Variants in CACHD1 observed in about 807,000 individuals in gnomAD.
CACHD1 encodes the protein VWFA and cache domain-containing protein 1.
CACHD1 carries 71 observed loss-of-function variants against 138.7 expected under a neutral mutation model. The observed-to-expected ratio is 0.51, with a 90% CI of 0.42 to 0.62. The LOEUF (loss-of-function observed/expected upper bound fraction) is 0.62. Ranked by LOEUF, CACHD1 falls within the 20% of genes least tolerant of loss-of-function variation. CACHD1 has a pLI of 0.00. For synonymous variants in CACHD1, 578 were observed against 591.5 expected, an observed-to-expected ratio of 0.98 and a Z score of 0.33; for missense variants, 1,389 against 1,625.3, an observed-to-expected ratio of 0.85 and a Z score of 2.50.
At chr1:64,664,096 T>G (rs1649543371) in intron 14 of CACHD1, 1 of 508,400 alleles carries the variant, frequency 2.0e-6, no homozygotes, top group Admixed American at 3.5e-5. Flanking sequence ...AGGGATGTGA[T>G]TTAGAGACTA....
chr1:64,647,644 G>A (rs909927421), intron 8 of CACHD1, among the ~76,000 whole-genome samples, 157 bp from the exon 9 acceptor site: 21 of 152,112 alleles, frequency 1.4e-4, no homozygotes, highest in Non-Finnish European at 2.9e-4. Flanking sequence ...TCCTCAGCAG[G>A]AACTGGTATT....
At chr1:64,544,946 G>A (rs1252758033) in intron 1 of CACHD1, among the ~76,000 whole-genome samples, 3 of 152,022 alleles carry the variant, frequency 2.0e-5, no homozygotes, top group African/African-American at 4.8e-5. Context: ...AAGTGTGAGG[G>A]AGCAATTAAA....
intron 1 of CACHD1, among the ~76,000 whole-genome samples, chr1:64,508,296 A>G (rs1308009526): frequency 2.0e-5 from 3 of 152,210 alleles, no homozygotes; most frequent in Admixed American, 6.5e-5. Context: ...AATCCAAACC[A>G]TATCACCTTC....
intron 13 of CACHD1, among the ~76,000 whole-genome samples, chr1:64,660,244 T>G (rs1649396714): frequency 6.6e-6 from 1 of 152,152 alleles, no homozygotes; most frequent in African/African-American, 2.4e-5. Flanking sequence ...AGACAATAAA[T>G]TACAATAGTT....
chr1:64,470,711 C>T lies in CACHD1; in HGVS notation c.-34C>T. 2.0e-6 allele frequency: 1 copy of T among 504,036 alleles called. No individual in the cohort carries two copies. Among genetic ancestry groups the T allele is most frequent in the Non-Finnish European group, 3.4e-6 (1 of 298,380 alleles). 31.2% of individuals were successfully genotyped at this position (504,036 alleles called of 1,614,324 possible). A position where few individuals can be genotyped will look rare whatever the true frequency, so the allele number is the denominator to read the frequency against. Reference sequence around the variant, plus strand: ...CTCCCGCGGCCCGCTTCCCCGCGCCCGGAGCCCGTCGGCGGGGAGTGGGGG... The same window carrying T: ...CTCCCGCGGCCCGCTTCCCCGCGCCTGGAGCCCGTCGGCGGGGAGTGGGGG... On this transcript the variant is annotated 5_prime_UTR_variant, in exon 1 of 27. Transcript: ENST00000651257. This position sits in a 1 kb window ranked among gnomAD's most constrained non-coding sequence, Gnocchi z 5.2.
chr1:64,537,671 A>G (rs1646644145), intron 1 of CACHD1, among the ~76,000 whole-genome samples: 1 of 152,150 alleles, frequency 6.6e-6, no homozygotes, highest in African/African-American at 2.4e-5. Context: ...TAGGAATGGG[A>G]CCCAGGTAGT....
chr1:64,642,294 T>C (rs1648744718), intron 8 of CACHD1, among the ~76,000 whole-genome samples: 2 of 152,216 alleles, frequency 1.3e-5, no homozygotes, highest in South Asian at 4.1e-4. Flanking sequence ...GGTTTTAGCT[T>C]ATCTCATTGG....
At chr1:64,627,704 A>G (rs1332294192) in intron 4 of CACHD1, among the ~76,000 whole-genome samples, 2 of 152,098 alleles carry the variant, frequency 1.3e-5, no homozygotes, top group Non-Finnish European at 2.9e-5. Context: ...TAGTCCACCC[A>G]CTTTTATTTG....
chr1:64,595,587 T>A (rs1363997748), intron 3 of CACHD1, among the ~76,000 whole-genome samples: 10 of 152,188 alleles, frequency 6.6e-5, no homozygotes, highest in Non-Finnish European at 7.3e-5. Context: ...CCCGTCTTTC[T>A]TCATGTGCCC....
intron 1 of CACHD1, among the ~76,000 whole-genome samples, chr1:64,543,403 A>ATATGTG (rs1491463723): frequency 3.1e-4 from 1 of 3,194 alleles, no homozygotes; most frequent in Non-Finnish European, 1.6e-3. Flanking sequence ...AAAAAAATAC[A>ATATGTG]TATATATATA....
intron 1 of CACHD1, among the ~76,000 whole-genome samples, chr1:64,520,760 T>C (rs1220931943): frequency 6.6e-6 from 1 of 152,148 alleles, no homozygotes; most frequent in East Asian, 1.9e-4. Context: ...TGGGAAAACA[T>C]ATTAGTTACC....
chr1:64,597,223 A>C (rs1007618151), intron 3 of CACHD1, among the ~76,000 whole-genome samples: 3 of 152,184 alleles, frequency 2.0e-5, no homozygotes, highest in Non-Finnish European at 4.4e-5. Flanking sequence ...TTTTGATGTA[A>C]GATTCAAAGC....
At chr1:64,599,087 A>G (rs371032182) in intron 3 of CACHD1, among the ~76,000 whole-genome samples, 3 of 152,078 alleles carry the variant, frequency 2.0e-5, no homozygotes, top group East Asian at 1.9e-4. Context: ...GGCCACATCT[A>G]TGAACCAGAA....
At chr1:64,652,072 A>T (rs931237797) in intron 9 of CACHD1, 89 bp from the exon 10 acceptor site, 1 of 1,161,432 alleles carries the variant, frequency 8.6e-7, no homozygotes, top group East Asian at 2.6e-5. Context: ...AGCTGATAGA[A>T]GCCTTCATGA....
chr1:64,673,353 C>A lies in CACHD1; in HGVS notation c.2616C>A (p.Pro872=), dbSNP rs777344692. 1.2e-6 allele frequency: 2 copies of A among 1,613,986 alleles called. No homozygotes were observed. Among genetic ancestry groups the A allele is most frequent in the Admixed American group, 3.3e-5 (2 of 60,010 alleles). ...GTTCTCTTTGGCCTTGGTAGGAGCC[C>A]CTGGTAGCAAATGATATCCTCAACC... ...VEQQHITHKE[P]LVANDILNHP... The change falls in exon 19 of 27, where the codon CCC becomes CCA. Residue 872 remains proline, a synonymous_variant. Transcript: ENST00000651257.
At chr1:64,594,414 T>C (rs1647133559) in intron 3 of CACHD1, among the ~76,000 whole-genome samples, 1 of 152,220 alleles carries the variant, frequency 6.6e-6, no homozygotes. Context: ...CTAAACTATG[T>C]GTTCCTTCTT....
intron 2 of CACHD1, among the ~76,000 whole-genome samples, chr1:64,569,584 G>A (rs544447560): frequency 2.0e-4 from 31 of 152,272 alleles, no homozygotes; most frequent in African/African-American, 7.2e-4. Context: ...CTTGCGGCAG[G>A]GCAGGAAGAG....
chr1:64,656,028 A>G (rs2100688897), intron 12 of CACHD1, among the ~76,000 whole-genome samples: 1 of 152,322 alleles, frequency 6.6e-6, no homozygotes, highest in South Asian at 2.1e-4. Context: ...GATGCAGACA[A>G]ACAGCAACTC....
At chr1:64,606,106 A>AAC (rs112089755) in intron 4 of CACHD1, among the ~76,000 whole-genome samples, 8,597 of 148,900 alleles carry the variant, frequency 0.058, 254 homozygotes, top group Middle Eastern at 0.088. Context: ...AGGAGCTGTA[A>AAC]ACACACACAC....
Sources: allele counts gnomAD v4.1 joint callset (sites outside exome capture counted in the v4.1 genomes callset), GRCh38; gene constraint gnomAD v4.1.1; non-coding constraint Gnocchi (gnomAD v3.1); transcripts MANE v1.5; gene names NCBI Gene and HGNC (gene_info 2026-07-23, HGNC 2026-07-21).